GRID1: variants seen among roughly 807,000 people sequenced by gnomAD.
GRID1 encodes glutamate ionotropic receptor delta type subunit 1.
A neutral mutation model predicts 98.0 loss-of-function variants in GRID1; 28 were observed. The observed-to-expected ratio is 0.29, with a 90% CI of 0.21 to 0.39. The LOEUF is 0.39. Ranked by LOEUF, GRID1 falls within the 10% of genes least tolerant of loss-of-function variation. GRID1 has a pLI of 1.00. For synonymous variants in GRID1, 553 were observed against 538.5 expected, an observed-to-expected ratio of 1.03 and a Z score of -0.37; for missense variants, 1,111 against 1,340.5, an observed-to-expected ratio of 0.83 and a Z score of 2.67.
rs56399960 is a variant in GRID1, at chr10:85,914,895, T to C, written c.780+1291A>G. Among the ~76,000 whole-genome samples the C allele has an allele frequency of 4.4e-3, 671 of 152,306 alleles. 8 individuals carry two copies. Among genetic ancestry groups the C allele is most frequent in the South Asian group, 0.034 (165 of 4,830 alleles). On this transcript the variant is annotated intron_variant, in intron 5 of 15. Transcript: ENST00000327946. The stretch of plus-strand genomic sequence containing the variant: ...ATTCTGAGTCAGCTTTTAGTGAATA[T>C]AGTGCACTGAGGTCACACAGGCCAC...
chr10:86,291,904 G>A (rs1423939817), intron 2 of GRID1, among the ~76,000 whole-genome samples: 3 of 152,236 alleles, frequency 2.0e-5, no homozygotes, highest in African/African-American at 7.2e-5. Context: ...ACCTGACAGA[G>A]GAAATCAAGG....
intron 2 of GRID1, among the ~76,000 whole-genome samples, chr10:86,317,098 G>T (rs1302325529): frequency 1.3e-5 from 2 of 152,188 alleles, no homozygotes; most frequent in Non-Finnish European, 2.9e-5. Flanking sequence ...GAGCTGCCTA[G>T]CTCCCCACCC....
At chr10:85,917,382 T>TCC (rs1841635860) in intron 4 of GRID1, among the ~76,000 whole-genome samples, 1 of 152,132 alleles carries the variant, frequency 6.6e-6, no homozygotes, top group Admixed American at 6.5e-5. Context: ...TAGTGAAAAT[T>TCC]CCCCCTTTAT....
intron 4 of GRID1, among the ~76,000 whole-genome samples, chr10:86,130,249 A>G (rs574607817): frequency 1.3e-5 from 2 of 152,338 alleles, no homozygotes; most frequent in East Asian, 3.9e-4. Flanking sequence ...GGGGACTGGC[A>G]GCTCAAGCAC....
intron 3 of GRID1, among the ~76,000 whole-genome samples, chr10:86,182,800 G>A (rs1845674137): frequency 1.3e-5 from 2 of 152,288 alleles, no homozygotes; most frequent in Non-Finnish European, 2.9e-5. Context: ...GCTTGCTTAT[G>A]TGGTAGATGT....
At chr10:85,752,811 TC>T (rs1842060225) in intron 8 of GRID1, among the ~76,000 whole-genome samples, 1 of 152,212 alleles carries the variant, frequency 6.6e-6, no homozygotes, top group African/African-American at 2.4e-5. Flanking sequence ...TTTCAATCTG[TC>T]CATTACTAAA....
chr10:86,242,733 GA>G (rs1324389082), intron 2 of GRID1, among the ~76,000 whole-genome samples: 1 of 152,174 alleles, frequency 6.6e-6, no homozygotes, highest in Non-Finnish European at 1.5e-5. Flanking sequence ...CTACTCCCAA[GA>G]ATCAGAGCTC....
At chr10:85,704,954 G>A (rs1841498491) in intron 12 of GRID1, among the ~76,000 whole-genome samples, 1 of 152,018 alleles carries the variant, frequency 6.6e-6, no homozygotes. Flanking sequence ...AGAATCTCTG[G>A]GACACATTCA....
intron 12 of GRID1, among the ~76,000 whole-genome samples, chr10:85,711,694 T>C (rs746180028): frequency 1.3e-5 from 2 of 151,862 alleles, no homozygotes; most frequent in African/African-American, 2.4e-5. Flanking sequence ...TATCTTCTAA[T>C]ACCTAAAGTT....
At chr10:86,181,865 C>T (rs1845659672) in intron 3 of GRID1, among the ~76,000 whole-genome samples, 1 of 152,160 alleles carries the variant, frequency 6.6e-6, no homozygotes, top group South Asian at 2.1e-4. Flanking sequence ...CAGGCTATAG[C>T]TCCATGAGGG....
At chr10:86,197,635 T>C (rs1226082358) in intron 3 of GRID1, among the ~76,000 whole-genome samples, 5 of 151,978 alleles carry the variant, frequency 3.3e-5, no homozygotes, top group Non-Finnish European at 7.4e-5. Context: ...TCTTGCTCCC[T>C]CAACTCCAGC....
intron 8 of GRID1, among the ~76,000 whole-genome samples, chr10:85,853,812 C>A (rs1324390468): frequency 1.3e-5 from 2 of 152,200 alleles, no homozygotes; most frequent in African/African-American, 4.8e-5. Context: ...GTCCACTTAA[C>A]TTTGGGGATC....
chr10:85,971,288 T>C (rs1842404184), intron 4 of GRID1, among the ~76,000 whole-genome samples: 1 of 151,960 alleles, frequency 6.6e-6, no homozygotes. Flanking sequence ...TAGGCATAGA[T>C]TTTTAAAATA....
intron 5 of GRID1, among the ~76,000 whole-genome samples, chr10:85,902,141 C>T (rs774483114): frequency 3.3e-5 from 5 of 152,162 alleles, no homozygotes; most frequent in Admixed American, 6.5e-5. Context: ...CTCTTATCCT[C>T]GGGGAATGCA....
intron 11 of GRID1, among the ~76,000 whole-genome samples, chr10:85,723,667 G>T (rs1456670368): frequency 6.6e-6 from 1 of 152,142 alleles, no homozygotes; most frequent in East Asian, 1.9e-4. Flanking sequence ...TCTTCCCCCA[G>T]AATTCTCAGA....
intron 8 of GRID1, among the ~76,000 whole-genome samples, chr10:85,763,819 C>G (rs1917136): frequency 0.66 from 99,764 of 152,122 alleles, 32,992 homozygotes; most frequent in East Asian, 0.87. Flanking sequence ...TAATTCTCTT[C>G]TACTCGCACA....
intron 3 of GRID1, among the ~76,000 whole-genome samples, chr10:86,198,786 C>T (rs1764745338): frequency 6.6e-6 from 1 of 152,116 alleles, no homozygotes; most frequent in South Asian, 2.1e-4. Flanking sequence ...ATCTCTTGCA[C>T]CAAGATTCTA....
At chr10:85,878,208 C>G (rs555347010) in intron 5 of GRID1, among the ~76,000 whole-genome samples, 2 of 152,142 alleles carry the variant, frequency 1.3e-5, no homozygotes, top group Non-Finnish European at 2.9e-5. Context: ...AGGGTATTAT[C>G]CAGGAGAACT....
intron 2 of GRID1, among the ~76,000 whole-genome samples, chr10:86,302,962 T>C (rs1482746551): frequency 1.3e-5 from 2 of 152,162 alleles, no homozygotes; most frequent in African/African-American, 2.4e-5. Flanking sequence ...CTCGTCTAAA[T>C]AGGAAGAGAT....
Sources: allele counts gnomAD v4.1 joint callset (sites outside exome capture counted in the v4.1 genomes callset), GRCh38; gene constraint gnomAD v4.1.1; transcripts MANE v1.5; gene names NCBI Gene and HGNC (gene_info 2026-07-23, HGNC 2026-07-21).